Variants in RANBP9 observed in about 807,000 individuals in gnomAD.
RANBP9 encodes the protein RAN binding protein 9, also known as ran-binding protein 9.
Under a neutral mutation model 84.3 loss-of-function variants are expected in RANBP9, and 15 were observed. The observed-to-expected ratio is 0.18, with a 90% confidence interval of 0.12 to 0.27. RANBP9 has a LOEUF of 0.27. RANBP9 is among the 10% of genes least tolerant of loss of function. The probability of loss-of-function intolerance (pLI) is 1.00; values close to 1 mark genes in which losing one functional copy is unlikely to be tolerated. For synonymous variants in RANBP9, 392 were observed against 349.6 expected, an observed-to-expected ratio of 1.12 and a Z score of -1.35; for missense variants, 809 against 912.8, an observed-to-expected ratio of 0.89 and a Z score of 1.46.
intron 13 of RANBP9, among the ~76,000 whole-genome samples, chr6:13,623,860 A>G (rs982035673): frequency 3.3e-5 from 5 of 152,188 alleles, no homozygotes; most frequent in South Asian, 2.1e-4. Flanking sequence ...ATGTAAGAGT[A>G]TATGTGTCTA....
At chr6:13,677,460 G>A (rs1765918874) in intron 2 of RANBP9, among the ~76,000 whole-genome samples, 1 of 151,910 alleles carries the variant, frequency 6.6e-6, no homozygotes, top group African/African-American at 2.4e-5. Context: ...ACAGTAAGAG[G>A]GATCTTTTTT....
chr6:13,647,675 ACTT>A (rs775304294), intron 5 of RANBP9, among the ~76,000 whole-genome samples: 2 of 152,132 alleles, frequency 1.3e-5, no homozygotes, highest in Non-Finnish European at 2.9e-5. Flanking sequence ...ATTATGAAGA[ACTT>A]CTCTTTTGTA....
chr6:13,677,090 G>A (rs916022344), intron 2 of RANBP9, among the ~76,000 whole-genome samples: 1 of 152,110 alleles, frequency 6.6e-6, no homozygotes, highest in African/African-American at 2.4e-5. Flanking sequence ...TAGCTGAAAA[G>A]ATTGTTTATG....
chr6:13,630,954 C>T (rs773988064), intron 12 of RANBP9, among the ~76,000 whole-genome samples: 3 of 151,820 alleles, frequency 2.0e-5, no homozygotes, highest in South Asian at 2.1e-4. Context: ...GGACTACCGG[C>T]GCCCGCCACC....
chr6:13,710,506 C>T (rs995012922), intron 1 of RANBP9, among the ~76,000 whole-genome samples: 4 of 152,132 alleles, frequency 2.6e-5, no homozygotes, highest in Non-Finnish European at 5.9e-5. Context: ...ACCTCAGAAT[C>T]GTGCCTCTCT....
intron 8 of RANBP9, among the ~76,000 whole-genome samples, chr6:13,640,056 A>G (rs1179945620): frequency 6.6e-6 from 1 of 152,244 alleles, no homozygotes; most frequent in African/African-American, 2.4e-5. Context: ...AAGTAATTTA[A>G]TCAAAATAAC....
chr6:13,710,230 C>T (rs1334282418), intron 1 of RANBP9, among the ~76,000 whole-genome samples: 1 of 152,088 alleles, frequency 6.6e-6, no homozygotes, highest in Non-Finnish European at 1.5e-5. Context: ...CATTTTGTTC[C>T]ATCTTCGTTT....
At chr6:13,696,383 CT>C (rs1364629591) in intron 2 of RANBP9, among the ~76,000 whole-genome samples, 3 of 152,186 alleles carry the variant, frequency 2.0e-5, no homozygotes, top group Non-Finnish European at 4.4e-5. Flanking sequence ...CATTTCCCAG[CT>C]GAAACCTAAA....
Position 13,711,613 on chromosome 6 carries a change from C to T in RANBP9, c.-108G>A. 1 of 1,083,642 alleles carries T rather than the reference C, an allele frequency of 9.2e-7. No homozygotes were observed. Among genetic ancestry groups the T allele is most frequent in the Non-Finnish European group, 1.2e-6 (1 of 868,136 alleles). 67.1% of individuals were successfully genotyped at this position (1,083,642 alleles called of 1,614,324 possible). ...GCCGGCACCAGGCGCCCAGTCCGCC[C>T]GCCCCGGAAGCAGGCGGCGGGCCGC... On this transcript the variant is annotated 5_prime_UTR_variant, in exon 1 of 14. Transcript: ENST00000011619.
chr6:13,624,290 A>C (rs1764537874), intron 13 of RANBP9, among the ~76,000 whole-genome samples: 1 of 152,220 alleles, frequency 6.6e-6, no homozygotes, highest in Non-Finnish European at 1.5e-5. Flanking sequence ...CTTCCTTTAC[A>C]TTCTTGCTGT....
chr6:13,673,638 A>G (rs548432348), intron 2 of RANBP9, among the ~76,000 whole-genome samples: 4 of 152,324 alleles, frequency 2.6e-5, no homozygotes, highest in African/African-American at 9.6e-5. Context: ...ATATTCTGTT[A>G]TAAGGTACCT....
In RANBP9 at chr6:13,711,335, G is replaced by A. The variant is rs2113379845; in HGVS notation, c.171C>T (p.Gly57=). ...PAGSPGGGAG[G]EGLGAAAAAL... is the part of the protein sequence containing the mutation. ...CGGCCGCCGCGGCCCCTAAGCCTTC[G>A]CCGCCCGCACCGCCGCCGGGCGAGC... The change falls in exon 1 of 14, where the codon GGC becomes GGT. Residue 57 remains glycine, a synonymous_variant. Transcript: ENST00000011619. 1.8e-6 allele frequency: 2 copies of A among 1,115,500 alleles called. No individual in the cohort carries two copies. The highest frequency in any genetic ancestry group is 8.6e-5 in the South Asian group (2 of 23,226). 69.1% of individuals were successfully genotyped at this position (1,115,500 alleles called of 1,614,324 possible).
intron 10 of RANBP9, among the ~76,000 whole-genome samples, chr6:13,636,860 G>T: frequency 6.6e-6 from 1 of 151,984 alleles, no homozygotes; most frequent in African/African-American, 2.4e-5. Context: ...TTCAAATACA[G>T]ATTTTTTTTT....
chr6:13,639,457 C>T (rs1765012386), intron 9 of RANBP9, 106 bp downstream of exon 9: 8 of 1,244,016 alleles, frequency 6.4e-6, no homozygotes, highest in Non-Finnish European at 6.7e-6. Context: ...GGATTACAAG[C>T]GTGAGCCACC....
At chr6:13,667,206 G>C (rs774289348) in intron 2 of RANBP9, among the ~76,000 whole-genome samples, 2 of 152,140 alleles carry the variant, frequency 1.3e-5, no homozygotes, top group Non-Finnish European at 2.9e-5. Flanking sequence ...ATACAATGGA[G>C]ACTAACAGCA....
At chr6:13,670,503 A>G (rs1765750513) in intron 2 of RANBP9, among the ~76,000 whole-genome samples, 1 of 152,136 alleles carries the variant, frequency 6.6e-6, no homozygotes, top group African/African-American at 2.4e-5. Flanking sequence ...ACAAGAAAAA[A>G]TAGACAAACT....
In RANBP9 at chr6:13,692,527, CAAAAAA is replaced by C. The variant is rs61237158; in HGVS notation, c.683+4252_683+4257del. 2.2e-3 allele frequency among the ~76,000 whole-genome samples: 63 copies of C among 28,728 alleles called. No homozygotes were observed. In the East Asian group the frequency reaches 0.051, roughly 23 times the overall value. The allele number at this position is 28,728 out of a possible 152,430, so 18.8% of individuals were successfully genotyped here. A position where few individuals can be genotyped will look rare whatever the true frequency, so the allele number is the denominator to read the frequency against. On this transcript the variant is annotated intron_variant, in intron 2 of 13. Coordinates refer to ENST00000011619, the MANE Select transcript of RANBP9 (RefSeq NM_005493.3). ...GGGCAACAAGAGCGAAACTCCGTCT[CAAAAAA>C]AAAAAAAAAAAAAAAAAAAAACACA...
chr6:13,708,819 TCACACACACA>T (rs70989879), intron 1 of RANBP9, among the ~76,000 whole-genome samples: 64 of 140,930 alleles, frequency 4.5e-4, no homozygotes, highest in Non-Finnish European at 6.4e-4. Context: ...AACGGAAAAC[TCACACACACA>T]CACACACACA....
chr6:13,704,224 C>T (rs1483135726), intron 1 of RANBP9, among the ~76,000 whole-genome samples: 2 of 152,134 alleles, frequency 1.3e-5, no homozygotes, highest in Non-Finnish European at 1.5e-5. Flanking sequence ...CAATCAGCTG[C>T]GTAATCTGAC....
Sources: allele counts gnomAD v4.1 joint callset (sites outside exome capture counted in the v4.1 genomes callset), GRCh38; gene constraint gnomAD v4.1.1; transcripts MANE v1.5; gene names NCBI Gene and HGNC (gene_info 2026-07-23, HGNC 2026-07-21).